The following ZNF536 variants were observed in gnomAD, a reference collection of about 807,000 sequenced individuals.
ZNF536 encodes zinc finger protein 536.
ZNF536 carries 13 observed loss-of-function variants against 84.5 expected under a neutral mutation model. The observed-to-expected ratio is 0.15, with a 90% CI of 0.10 to 0.24. The LOEUF (loss-of-function observed/expected upper bound fraction) is 0.24, where lower values mean the gene tolerates loss of function less well. Ranked by LOEUF, ZNF536 falls within the 10% of genes least tolerant of loss-of-function variation. ZNF536 has a pLI of 1.00. For missense variants in ZNF536, 1,536 were observed against 1,747.5 expected (o/e 0.88, Z 2.16); for synonymous variants, 811 against 742.5 (o/e 1.09, Z -1.50).
intron 2 of ZNF536, among the ~76,000 whole-genome samples, chr19:30,492,267 G>C (rs1204626806): frequency 6.6e-6 from 1 of 152,064 alleles, no homozygotes; most frequent in African/African-American, 2.4e-5. Flanking sequence ...TAGAAATTGC[G>C]TTTTTATTAT....
chr19:30,680,380 C>A (rs1479852109), intron 1 of ZNF536, among the ~76,000 whole-genome samples: 1 of 149,042 alleles, frequency 6.7e-6, no homozygotes, highest in Non-Finnish European at 1.5e-5. Context: ...TTAGGTATAT[C>A]TCCTAAAGCT....
At chr19:30,591,996 G>T (rs1379342071) in intron 1 of ZNF536, among the ~76,000 whole-genome samples, 1 of 152,138 alleles carries the variant, frequency 6.6e-6, no homozygotes, top group East Asian at 1.9e-4. Flanking sequence ...AAGGTCTATT[G>T]TCTTGCAACT....
At chr19:30,436,917 G>A (rs555581506) in intron 1 of ZNF536, among the ~76,000 whole-genome samples, 82 of 152,256 alleles carry the variant, frequency 5.4e-4, no homozygotes, top group Admixed American at 7.8e-4. Flanking sequence ...AGAGTAACTT[G>A]GAGGTCAGGG....
At chr19:30,415,114 C>CTCCTTCTTCTCCTCCTCCTCCTTT (rs1186979206) in intron 1 of ZNF536, among the ~76,000 whole-genome samples, 1 of 143,562 alleles carries the variant, frequency 7.0e-6, no homozygotes, top group Non-Finnish European at 1.5e-5. Context: ...CTTCCTCCTT[C>CTCCTTCTTCTCCTCCTCCTCCTTT]TCCTTCTTCT....
intron 1 of ZNF536, among the ~76,000 whole-genome samples, chr19:30,632,534 A>T (rs1189851260): frequency 1.3e-5 from 2 of 152,188 alleles, no homozygotes; most frequent in Non-Finnish European, 2.9e-5. Flanking sequence ...TGAACCTGGG[A>T]GGTGGAGGTT....
chr19:30,366,395 T>TCTAC (rs1288152851), intron 3 of ZNF536, among the ~76,000 whole-genome samples: 1 of 151,046 alleles, frequency 6.6e-6, no homozygotes, highest in Admixed American at 6.6e-5. Context: ...TATCTATCTA[T>TCTAC]CTATATCTAT....
intron 1 of ZNF536, among the ~76,000 whole-genome samples, chr19:30,573,568 AAC>A (rs1358780210): frequency 5.9e-5 from 9 of 152,166 alleles, no homozygotes; most frequent in African/African-American, 2.2e-4. Context: ...TACTATGAGA[AAC>A]ACAGCCATCC....
intron 1 of ZNF536, among the ~76,000 whole-genome samples, chr19:30,415,346 G>A (rs191207758): frequency 7.0e-4 from 78 of 111,468 alleles, no homozygotes; most frequent in African/African-American, 2.1e-3. Flanking sequence ...CTTCTTCTTC[G>A]TCCTCTTCCT....
At chr19:30,368,480 G>T (rs576897525), upstream of ZNF536, among the ~76,000 whole-genome samples, 2 of 152,304 alleles carry the variant, frequency 1.3e-5, no homozygotes, top group South Asian at 4.1e-4. Context: ...ATGTGCCTGC[G>T]AGGGCAACAG....
At chr19:30,334,353 C>T (rs2047311195) in intron 2 of ZNF536, among the ~76,000 whole-genome samples, 1 of 152,158 alleles carries the variant, frequency 6.6e-6, no homozygotes, top group African/African-American at 2.4e-5. Context: ...AACTTACCAA[C>T]CCCTGAAACT....
intron 3 of ZNF536, among the ~76,000 whole-genome samples, chr19:30,544,046 C>T (rs893784841): frequency 1.3e-5 from 2 of 152,160 alleles, no homozygotes; most frequent in Non-Finnish European, 2.9e-5. Flanking sequence ...TTCTTCCAAT[C>T]ATTTAGCGAT....
At chr19:30,499,107 T>C (rs909204844) in intron 2 of ZNF536, among the ~76,000 whole-genome samples, 7 of 152,174 alleles carry the variant, frequency 4.6e-5, no homozygotes, top group African/African-American at 1.4e-4. Context: ...AATAAATTGC[T>C]ACATTATTGC....
intron 2 of ZNF536, among the ~76,000 whole-genome samples, chr19:30,460,375 C>T (rs1181213201): frequency 7.9e-5 from 12 of 152,128 alleles, no homozygotes; most frequent in East Asian, 3.9e-4. Flanking sequence ...GTCACCGCTC[C>T]GAGGTTCTTC....
intron 3 of ZNF536, among the ~76,000 whole-genome samples, chr19:30,536,830 A>T (rs2045102697): frequency 6.6e-6 from 1 of 152,150 alleles, no homozygotes; most frequent in African/African-American, 2.4e-5. Flanking sequence ...GGGGCCTTGC[A>T]TTCTGAACTC....
chr19:30,697,024 A>C (rs935689171), intron 1 of ZNF536, among the ~76,000 whole-genome samples: 30 of 152,178 alleles, frequency 2.0e-4, no homozygotes, highest in African/African-American at 7.0e-4. Flanking sequence ...ATTTATAAAC[A>C]AAAGAGGTCT....
rs550602166 is a variant in ZNF536, at chr19:30,607,266, A to C, written c.169+57752A>C. 2.0e-5 allele frequency among the ~76,000 whole-genome samples: 3 copies of C among 152,164 alleles called. No individual in the cohort carries two copies. In the South Asian group the frequency reaches 6.2e-4, roughly 32 times the overall value. On this transcript the variant is annotated intron_variant, in intron 1 of 1. Transcript: ENST00000592773. Reference sequence around the variant, plus strand: ...ATGTTTTTTTAAAAATTCATGTGAAACTTTTTTTTGTTTTAGAGTTTTTTA... The same window carrying C: ...ATGTTTTTTTAAAAATTCATGTGAACCTTTTTTTTGTTTTAGAGTTTTTTA...
intron 2 of ZNF536, among the ~76,000 whole-genome samples, chr19:30,476,745 C>T (rs1453699704): frequency 2.6e-5 from 4 of 152,128 alleles, no homozygotes; most frequent in African/African-American, 7.2e-5. Flanking sequence ...TCCTCAAGCC[C>T]GCCTCCCAGA....
In ZNF536 at chr19:30,383,635, T is replaced by G. The variant is rs1372365673; in HGVS notation, c.-3+11079T>G. On this transcript the variant is annotated intron_variant, in intron 1 of 4. Transcript: ENST00000355537. ...TTCTCTCTTTCTCTTTCTTTCTTCC[T>G]TTCTTCCTTCCTTTCTTTCTCTCTT... is the stretch of plus-strand genomic sequence containing the variant. Among the ~76,000 whole-genome samples the G allele has an allele frequency of 2.9e-5, 2 of 68,226 alleles. 1 individual carries two copies. The highest frequency in any genetic ancestry group is 1.1e-4 in the African/African-American group (2 of 17,590). The allele number at this position is 68,226 out of a possible 152,430, so 44.8% of individuals were successfully genotyped here.
intron 2 of ZNF536, among the ~76,000 whole-genome samples, chr19:30,313,999 C>T (rs2046594425): frequency 6.6e-6 from 1 of 152,216 alleles, no homozygotes; most frequent in Admixed American, 6.5e-5. Context: ...GCAACTACTC[C>T]AACGCTCCTT....
Sources: allele counts gnomAD v4.1 joint callset (sites outside exome capture counted in the v4.1 genomes callset), GRCh38; gene constraint gnomAD v4.1.1; transcripts MANE v1.5; gene names NCBI Gene and HGNC (gene_info 2026-07-23, HGNC 2026-07-21).